FER1L6: variants seen among roughly 807,000 people sequenced by gnomAD.
FER1L6 encodes the protein fer-1-like protein 6.
FER1L6 carries 177 observed loss-of-function variants against 219.2 expected under a neutral mutation model. That is an observed-to-expected ratio of 0.81 (90% CI 0.71 to 0.91). The LOEUF (loss-of-function observed/expected upper bound fraction) is 0.91, where lower values mean the gene tolerates loss of function less well. Among genes scored for constraint, FER1L6 ranks in the 40% least tolerant of loss-of-function variants. FER1L6 has a pLI of 0.00. For synonymous variants in FER1L6, 768 were observed against 824.3 expected (o/e 0.93, Z 1.17); for missense variants, 2,153 against 2,259.9 (o/e 0.95, Z 0.96).
At chr8:124,088,852 T>C (rs117199585) in intron 33 of FER1L6, among the ~76,000 whole-genome samples, 1 of 152,060 alleles carries the variant, frequency 6.6e-6, no homozygotes, top group Non-Finnish European at 1.5e-5. Context: ...GTATTTACTG[T>C]AGCTGAGCTG....
In FER1L6 at chr8:124,060,278, A is replaced by C; in HGVS notation, c.2973A>C (p.Lys991Asn). The change falls in exon 23 of 41, where the codon AAA becomes AAC. Residue 991 changes from lysine (K) to asparagine (N), a missense_variant. Lys to Asn is a moderately conservative substitution (Grantham distance 94). Coordinates refer to ENST00000522917, the MANE Select transcript of FER1L6 (RefSeq NM_001039112.2). ...VPANIRPVLS[K>N]YRVEVLFWGV... ...CCAACATTCGGCCGGTGCTGAGCAA[A>C]TACCGAGTGGAGGTACGGGTCAGCG... The C allele has an allele frequency of 6.2e-7, 1 of 1,614,152 alleles. No homozygotes were observed. Among genetic ancestry groups the C allele is most frequent in the Non-Finnish European group, 8.5e-7 (1 of 1,179,994 alleles).
chr8:123,872,419 C>A (rs776829019), intron 1 of FER1L6, among the ~76,000 whole-genome samples: 1 of 152,072 alleles, frequency 6.6e-6, no homozygotes, highest in Non-Finnish European at 1.5e-5. Flanking sequence ...TCATCAAAAA[C>A]GAAGTCTGAG....
intron 1 of FER1L6, among the ~76,000 whole-genome samples, chr8:123,862,472 A>G (rs1816763602): frequency 7.3e-6 from 1 of 136,402 alleles, no homozygotes; most frequent in Non-Finnish European, 1.6e-5. Context: ...TGGCTTTGGT[A>G]TCAGAATGAT....
chr8:123,940,760 C>G (rs1814207993), intron 1 of FER1L6, among the ~76,000 whole-genome samples: 1 of 152,194 alleles, frequency 6.6e-6, no homozygotes, highest in Non-Finnish European at 1.5e-5. Flanking sequence ...TAGGGCATCA[C>G]CCCCTACTCC....
chr8:124,023,475 G>C lies in FER1L6; in HGVS notation c.2165G>C (p.Trp722Ser). ...PQHTIPDVFI[W>S]MLSNNRRVAY... ...CACACTATCCCTGACGTTTTCATCT[G>C]GATGCTCAGCAACAACAGGAGAGTG... The change falls in exon 18 of 41, where the codon TGG (tryptophan) becomes TCG (serine). Residue 722 changes from tryptophan to serine, a missense_variant. Transcript: ENST00000522917. 1 of 1,614,102 alleles carries C rather than the reference G, an allele frequency of 6.2e-7. No individual in the cohort carries two copies. Among genetic ancestry groups the C allele is most frequent in the Non-Finnish European group, 8.5e-7 (1 of 1,180,004 alleles).
chr8:124,113,184 T>C (rs1158466063), intron 39 of FER1L6, among the ~76,000 whole-genome samples: 2 of 152,214 alleles, frequency 1.3e-5, no homozygotes, highest in Non-Finnish European at 2.9e-5. Context: ...GTCCTCAACA[T>C]TTATTCATTT....
At chr8:123,863,870 G>A (rs1393021129) in intron 1 of FER1L6, among the ~76,000 whole-genome samples, 4 of 151,186 alleles carry the variant, frequency 2.6e-5, no homozygotes, top group African/African-American at 9.9e-5. Flanking sequence ...GAGCCTATGT[G>A]TGTCTCTGCA....
chr8:123,868,590 C>T (rs1816875576), intron 1 of FER1L6, among the ~76,000 whole-genome samples: 1 of 152,188 alleles, frequency 6.6e-6, no homozygotes, highest in Non-Finnish European at 1.5e-5. Context: ...CCTGCTCACA[C>T]TTTGGAAGGT....
chr8:123,914,908 T>C (rs1331581134), intron 1 of FER1L6, among the ~76,000 whole-genome samples: 3 of 152,206 alleles, frequency 2.0e-5, no homozygotes, highest in Non-Finnish European at 2.9e-5. Context: ...TCTAGAATAT[T>C]TGGAAAATGT....
chr8:123,911,696 A>G (rs1196874480), intron 1 of FER1L6, among the ~76,000 whole-genome samples: 1 of 152,154 alleles, frequency 6.6e-6, no homozygotes, highest in East Asian at 1.9e-4. Flanking sequence ...AGGGGAAAGG[A>G]AACAGAGTCC....
chr8:124,023,464 C>T lies in FER1L6; in HGVS notation c.2154C>T (p.Asp718=), dbSNP rs188177034. Residue 718 remains aspartate, a synonymous_variant, in exon 18 of 41, where the codon GAC becomes GAT. Transcript: ENST00000522917. ...LVDEPQHTIP[D]VFIWMLSNNR... is the part of the protein sequence containing the mutation. The stretch of plus-strand genomic sequence containing the variant: ...CACAGCCCCAGCACACTATCCCTGA[C>T]GTTTTCATCTGGATGCTCAGCAACA... 3.0e-5 allele frequency: 49 copies of T among 1,614,144 alleles called. No homozygotes were observed. In the East Asian group the frequency reaches 6.9e-4, roughly 23 times the overall value.
intron 14 of FER1L6, among the ~76,000 whole-genome samples, chr8:124,011,597 A>C (rs951303652): frequency 6.6e-6 from 1 of 151,174 alleles, no homozygotes; most frequent in African/African-American, 2.4e-5. Context: ...CTCCCACCTC[A>C]GCATCCCAAG....
In FER1L6 at chr8:124,045,396, G is replaced by A. The variant is rs1234149967; in HGVS notation, c.2590-371G>A. Among the ~76,000 whole-genome samples, 4 of 152,180 alleles carry A rather than the reference G, an allele frequency of 2.6e-5. No individual in the cohort carries two copies. The East Asian group carries it at 7.7e-4, about 29-fold the overall frequency. ...AACCTACCTCCCAGAATTATTGTGA[G>A]GGTTGAATGAGACAGTGCATGTGAA... On this transcript the variant is annotated intron_variant, in intron 20 of 40. Transcript: ENST00000522917.
At chr8:124,013,177 T>C (rs1445758943) in intron 14 of FER1L6, among the ~76,000 whole-genome samples, 1 of 152,220 alleles carries the variant, frequency 6.6e-6, no homozygotes, top group Non-Finnish European at 1.5e-5. Flanking sequence ...GGAATGGATC[T>C]ATAACAGAAA....
chr8:123,865,019 G>T (rs1413264362), intron 1 of FER1L6, among the ~76,000 whole-genome samples: 1 of 151,216 alleles, frequency 6.6e-6, no homozygotes, highest in Non-Finnish European at 1.5e-5. Flanking sequence ...TTCCATTGCT[G>T]GTGAGGAGCT....
At chr8:124,042,117 C>A (rs762145546) in intron 20 of FER1L6, among the ~76,000 whole-genome samples, 1 of 152,144 alleles carries the variant, frequency 6.6e-6, no homozygotes, top group Non-Finnish European at 1.5e-5. Context: ...GTTCCAGGGC[C>A]TTAGTGAAGT....
intron 32 of FER1L6, 119 bp downstream of exon 32, chr8:124,076,444 T>C: frequency 2.1e-6 from 2 of 970,968 alleles, no homozygotes; most frequent in Non-Finnish European, 3.2e-6. Context: ...GGAGGTTAAA[T>C]ACTGGCTTCT....
chr8:123,903,811 A>T (rs1812901199), intron 1 of FER1L6, among the ~76,000 whole-genome samples: 2 of 152,202 alleles, frequency 1.3e-5, no homozygotes, highest in African/African-American at 4.8e-5. Flanking sequence ...TACCCTGGGG[A>T]AGGCAAATTA....
chr8:124,042,647 A>G (rs1007272240), intron 20 of FER1L6, among the ~76,000 whole-genome samples: 10 of 152,140 alleles, frequency 6.6e-5, no homozygotes, highest in African/African-American at 2.4e-4. Flanking sequence ...TCTGCAGGTG[A>G]CATGCCCCCT....
Sources: allele counts gnomAD v4.1 joint callset (sites outside exome capture counted in the v4.1 genomes callset), GRCh38; gene constraint gnomAD v4.1.1; transcripts MANE v1.5; gene names NCBI Gene and HGNC (gene_info 2026-07-23, HGNC 2026-07-21).